Variants in RSRC1 observed in about 807,000 individuals in gnomAD.
RSRC1 encodes the protein arginine and serine rich coiled-coil 1, also known as serine/Arginine-related protein 53.
RSRC1 carries 39 observed loss-of-function variants against 49.1 expected under a neutral mutation model. The observed-to-expected ratio is 0.79, with a 90% CI of 0.61 to 1.04. The LOEUF is 1.04. Among genes scored for constraint, RSRC1 ranks in the 50% least tolerant of loss-of-function variants. RSRC1 has a pLI of 0.00. For synonymous variants in RSRC1, 143 were observed against 130.8 expected, an observed-to-expected ratio of 1.09 and a Z score of -0.63; for missense variants, 388 against 402.4, an observed-to-expected ratio of 0.96 and a Z score of 0.31.
chr3:158,126,868 A>G (rs1715657974), intron 3 of RSRC1, among the ~76,000 whole-genome samples: 1 of 151,320 alleles, frequency 6.6e-6, no homozygotes, highest in African/African-American at 2.4e-5. Flanking sequence ...CTTGATTGAC[A>G]GGGTTTTTTT....
intron 4 of RSRC1, among the ~76,000 whole-genome samples, chr3:158,255,973 G>T (rs1196085258): frequency 6.6e-6 from 1 of 152,104 alleles, no homozygotes; most frequent in Non-Finnish European, 1.5e-5. Context: ...TGAGACAATG[G>T]GGATTTCTAA....
At chr3:158,440,017 G>T (rs1037291505) in intron 6 of RSRC1, among the ~76,000 whole-genome samples, 18 of 151,734 alleles carry the variant, frequency 1.2e-4, no homozygotes, top group Non-Finnish European at 2.4e-4. Context: ...CCTAATGCAT[G>T]CGGTGCTTAA....
intron 4 of RSRC1, among the ~76,000 whole-genome samples, chr3:158,223,401 T>C (rs1434869381): frequency 6.6e-6 from 1 of 151,668 alleles, no homozygotes; most frequent in South Asian, 2.1e-4. Context: ...ATCAAAGATA[T>C]TATGTAGGTA....
At chr3:158,355,668 A>G (rs1285459772) in intron 6 of RSRC1, among the ~76,000 whole-genome samples, 4 of 152,042 alleles carry the variant, frequency 2.6e-5, no homozygotes, top group African/African-American at 9.7e-5. Flanking sequence ...TTTTAAAAAT[A>G]TATAAGATCT....
chr3:158,216,923 C>T (rs1176569804), intron 4 of RSRC1, among the ~76,000 whole-genome samples: 5 of 151,736 alleles, frequency 3.3e-5, no homozygotes. Flanking sequence ...ATGTGTTAGG[C>T]AGTGCTCCTT....
chr3:158,156,968 G>T (rs1179563232), intron 3 of RSRC1, among the ~76,000 whole-genome samples: 1 of 152,196 alleles, frequency 6.6e-6, no homozygotes, highest in Non-Finnish European at 1.5e-5. Flanking sequence ...TTGACTCAGA[G>T]TTGCCACAAA....
chr3:158,171,617 G>A (rs1424456246), intron 3 of RSRC1, among the ~76,000 whole-genome samples: 1 of 152,096 alleles, frequency 6.6e-6, no homozygotes, highest in Non-Finnish European at 1.5e-5. Flanking sequence ...AATGGGCTCA[G>A]TATCACACTG....
chr3:158,484,347 G>A (rs1160462249), intron 7 of RSRC1, among the ~76,000 whole-genome samples: 1 of 152,084 alleles, frequency 6.6e-6, no homozygotes, highest in African/African-American at 2.4e-5. Context: ...TAGAAGTGAA[G>A]CCCATGTGGG....
intron 6 of RSRC1, among the ~76,000 whole-genome samples, chr3:158,456,787 G>A (rs1407482883): frequency 2.0e-5 from 3 of 152,186 alleles, no homozygotes; most frequent in African/African-American, 4.8e-5. Flanking sequence ...GATCCTTGGA[G>A]TGAGAAAGGA....
intron 3 of RSRC1, among the ~76,000 whole-genome samples, chr3:158,164,957 G>A (rs1718449743): frequency 6.6e-6 from 1 of 152,036 alleles, no homozygotes; most frequent in Admixed American, 6.6e-5. Context: ...ATATCTTTTT[G>A]TCCCTGTTTC....
intron 6 of RSRC1, among the ~76,000 whole-genome samples, chr3:158,416,103 T>C (rs543744330): frequency 1.1e-4 from 17 of 152,196 alleles, no homozygotes; most frequent in African/African-American, 4.1e-4. Context: ...TATTTTGTCA[T>C]TTTATATCTT....
At chr3:158,110,345 G>C (rs1329230990) in intron 1 of RSRC1, 122 bp downstream of exon 1, 2 of 152,484 alleles carry the variant, frequency 1.3e-5, no homozygotes, top group Non-Finnish European at 2.9e-5. Flanking sequence ...GTGGAGGGTG[G>C]GCTGCGGCCT....
intron 7 of RSRC1, among the ~76,000 whole-genome samples, chr3:158,506,044 G>C (rs1196649957): frequency 6.6e-6 from 1 of 152,114 alleles, no homozygotes; most frequent in African/African-American, 2.4e-5. Context: ...TGTGGGCAAG[G>C]ATTTTTTGGG....
intron 6 of RSRC1, among the ~76,000 whole-genome samples, chr3:158,363,367 G>C (rs1731584938): frequency 6.6e-6 from 1 of 151,548 alleles, no homozygotes. Flanking sequence ...AGGTTCAAGA[G>C]ATTCTCCTGC....
intron 3 of RSRC1, among the ~76,000 whole-genome samples, chr3:158,154,921 C>G (rs1222256396): frequency 6.6e-6 from 1 of 152,182 alleles, no homozygotes; most frequent in Non-Finnish European, 1.5e-5. Flanking sequence ...TTTTGCTCAT[C>G]CATAAGAAGC....
chr3:158,474,195 C>G (rs1407126686), intron 7 of RSRC1, among the ~76,000 whole-genome samples: 1 of 152,114 alleles, frequency 6.6e-6, no homozygotes, highest in Non-Finnish European at 1.5e-5. Context: ...TTTGGAGACA[C>G]TGGGTTTGAT....
At chr3:158,517,155 A>T (rs888299768) in intron 7 of RSRC1, among the ~76,000 whole-genome samples, 1 of 149,724 alleles carries the variant, frequency 6.7e-6, no homozygotes, top group African/African-American at 2.5e-5. Flanking sequence ...GTTGCCTTAT[A>T]TTTTTTGCTA....
intron 6 of RSRC1, among the ~76,000 whole-genome samples, chr3:158,411,110 G>C (rs1578441315): frequency 1.3e-5 from 2 of 152,186 alleles, no homozygotes; most frequent in East Asian, 3.9e-4. Flanking sequence ...TCATCTATGT[G>C]CATGTAGCTG....
chr3:158,345,814 A>G (rs1730524148), intron 5 of RSRC1, among the ~76,000 whole-genome samples: 1 of 148,584 alleles, frequency 6.7e-6, no homozygotes, highest in Non-Finnish European at 1.5e-5. Flanking sequence ...TTACACACAT[A>G]TATATGCATT....
Sources: gnomAD v4.1 joint callset for allele counts (sites outside exome capture counted in the v4.1 genomes callset) on GRCh38, gnomAD v4.1.1 for gene constraint, MANE v1.5 for transcripts, NCBI Gene and HGNC (gene_info 2026-07-23, HGNC 2026-07-21) for gene names.